The following TAMM41 variants were observed in gnomAD, a reference collection of about 807,000 sequenced individuals.
TAMM41 encodes phosphatidate cytidylyltransferase, mitochondrial.
In TAMM41, 36 loss-of-function variants were observed where a neutral mutation model predicts 44.1. The observed-to-expected ratio is 0.82, with a 90% confidence interval of 0.63 to 1.08. The LOEUF (loss-of-function observed/expected upper bound fraction) is 1.08, where lower values mean the gene tolerates loss of function less well. TAMM41 is among the 50% of genes least tolerant of loss of function. The pLI, the probability that TAMM41 is intolerant of heterozygous loss-of-function variation, is 0.00. For synonymous variants in TAMM41, 164 were observed against 153.1 expected, an observed-to-expected ratio of 1.07 and a Z score of -0.53; for missense variants, 417 against 404.3, an observed-to-expected ratio of 1.03 and a Z score of -0.27.
downstream of TAMM41, among the ~76,000 whole-genome samples, chr3:11,787,769 A>G (rs542098364): frequency 7.9e-5 from 12 of 152,326 alleles, no homozygotes; most frequent in Admixed American, 3.3e-4. Context: ...AGGGTTAAGC[A>G]ACTTGACCAA....
chr3:11,782,842 G>A, the TAMM41 span, among the ~76,000 whole-genome samples: 1 of 152,216 alleles, frequency 6.6e-6, no homozygotes, highest in Non-Finnish European at 1.5e-5. Flanking sequence ...GAGTGCCTGA[G>A]TCAATGAGCA....
At chr3:11,802,143 G>T (rs188703926) in intron 7 of TAMM41, among the ~76,000 whole-genome samples, 1 of 152,276 alleles carries the variant, frequency 6.6e-6, no homozygotes, top group Non-Finnish European at 1.5e-5. Context: ...GCTTAAGCCT[G>T]GGAGGCAAAT....
intron 2 of TAMM41, chr3:11,843,535 G>C (rs1241852666): frequency 6.6e-6 from 1 of 152,626 alleles, no homozygotes; most frequent in Admixed American, 6.5e-5. Context: ...TCAGGAGTTC[G>C]AGACCAGCCT....
In TAMM41 at chr3:11,846,860, G is replaced by A. The variant is rs1026576229; in HGVS notation, c.-224C>T. 8 of 566,560 alleles carry A rather than the reference G, an allele frequency of 1.4e-5. No homozygotes were observed. Among genetic ancestry groups the A allele is most frequent in the East Asian group, 1.2e-4 (4 of 32,124 alleles). 35.1% of individuals were successfully genotyped at this position (566,560 alleles called of 1,614,324 possible). On this transcript the variant is annotated 5_prime_UTR_variant, in exon 1 of 8. Transcript: ENST00000455809. ...GCAGCCCAGATAGGCTCGGGTGGGC[G>A]GCGGTCGCACAGGCAGAGCTTCCGT...
At chr3:11,807,985 T>C in intron 6 of TAMM41, 90 bp from the exon 7 acceptor site, 2 of 1,448,442 alleles carry the variant, frequency 1.4e-6, no homozygotes, top group Non-Finnish European at 1.8e-6. Context: ...CTAAATATTC[T>C]TTCTAGTCAG....
the TAMM41 span, among the ~76,000 whole-genome samples, chr3:11,767,416 T>A: frequency 6.6e-6 from 1 of 152,212 alleles, no homozygotes; most frequent in East Asian, 1.9e-4. Context: ...AATGATGTTG[T>A]GATGTTGCTA....
chr3:11,843,262 C>G (rs1409317152), intron 2 of TAMM41, among the ~76,000 whole-genome samples: 1 of 152,162 alleles, frequency 6.6e-6, no homozygotes, highest in East Asian at 1.9e-4. Flanking sequence ...GGTTCTAGAC[C>G]AGCAGCTTCA....
intron 2 of TAMM41, among the ~76,000 whole-genome samples, chr3:11,839,692 G>A (rs1339396779): frequency 1.3e-5 from 2 of 152,296 alleles, no homozygotes; most frequent in East Asian, 1.9e-4. Context: ...TTAAAGCAAG[G>A]ATGATAATAG....
chr3:11,776,690 C>A, the TAMM41 span, among the ~76,000 whole-genome samples: 1 of 152,168 alleles, frequency 6.6e-6, no homozygotes, highest in Non-Finnish European at 1.5e-5. Flanking sequence ...CAGAGGGTAT[C>A]CCTGTCATTA....
the TAMM41 span, among the ~76,000 whole-genome samples, chr3:11,725,411 CT>C: frequency 1.8e-5 from 2 of 111,466 alleles, no homozygotes; most frequent in African/African-American, 6.9e-5. Context: ...TCCTCTTCTT[CT>C]TCTTCTTCTT....
At chr3:11,829,971 T>A in intron 3 of TAMM41, 107 bp from the exon 4 acceptor site, 1 of 1,111,758 alleles carries the variant, frequency 9.0e-7, no homozygotes, top group Non-Finnish European at 1.3e-6. Context: ...CCACTGAAGA[T>A]CTTGGAATAC....
At chr3:11,824,795 G>A (rs2078674969) in intron 4 of TAMM41, among the ~76,000 whole-genome samples, 1 of 152,188 alleles carries the variant, frequency 6.6e-6, no homozygotes, top group Non-Finnish European at 1.5e-5. Context: ...ATCCTCAGTG[G>A]TGGAACAAAG....
chr3:11,835,516 C>T (rs1055190502), intron 3 of TAMM41, among the ~76,000 whole-genome samples: 13 of 152,146 alleles, frequency 8.5e-5, no homozygotes, highest in African/African-American at 2.9e-4. Flanking sequence ...AGCATGGGTG[C>T]TACTACTTGT....
intron 7 of TAMM41, among the ~76,000 whole-genome samples, chr3:11,798,198 T>C (rs2077657103): frequency 6.6e-6 from 1 of 152,134 alleles, no homozygotes; most frequent in African/African-American, 2.4e-5. Flanking sequence ...CACATGCATA[T>C]GTATACTCAT....
chr3:11,789,635 T>C (rs1037149300), downstream of TAMM41, among the ~76,000 whole-genome samples: 1 of 152,186 alleles, frequency 6.6e-6, no homozygotes, highest in African/African-American at 2.4e-5. Context: ...GTCCATTTAC[T>C]GGCTCTGGGA....
intron 4 of TAMM41, chr3:11,826,576 A>G (rs1317013860): frequency 1.3e-5 from 2 of 150,022 alleles, no homozygotes; most frequent in East Asian, 2.0e-4. Flanking sequence ...TATTATACGT[A>G]TTATCTCATT....
chr3:11,732,121 C>A, the TAMM41 span, among the ~76,000 whole-genome samples: 1 of 152,180 alleles, frequency 6.6e-6, no homozygotes, highest in Non-Finnish European at 1.5e-5. Context: ...CCTGCCTTGA[C>A]CTCCCAAGGT....
chr3:11,745,034 T>C, the TAMM41 span, among the ~76,000 whole-genome samples: 5,315 of 152,198 alleles, frequency 0.035, 277 homozygotes, highest in African/African-American at 0.12. Flanking sequence ...CGGTTAATTT[T>C]GTATTTTTAG....
downstream of TAMM41, among the ~76,000 whole-genome samples, chr3:11,788,972 G>GAAAGAA (rs1204192878): frequency 2.0e-5 from 3 of 151,962 alleles, no homozygotes; most frequent in Non-Finnish European, 2.9e-5. Flanking sequence ...AAAAAAGAAA[G>GAAAGAA]AAAGAAAAAG....
Sources: allele counts gnomAD v4.1 joint callset (sites outside exome capture counted in the v4.1 genomes callset), GRCh38; gene constraint gnomAD v4.1.1; transcripts MANE v1.5; gene names NCBI Gene and HGNC (gene_info 2026-07-23, HGNC 2026-07-21).